HIC2: variants seen among roughly 807,000 people sequenced by gnomAD.
HIC2 encodes the protein HIC ZBTB transcriptional repressor 2.
A neutral mutation model predicts 39.5 loss-of-function variants in HIC2; 2 were observed. The ratio of observed to expected loss-of-function variants is 0.05; its 90% CI spans 0.02 to 0.16. The LOEUF (loss-of-function observed/expected upper bound fraction) is 0.16. Ranked by LOEUF, HIC2 falls within the 10% of genes least tolerant of loss-of-function variation. HIC2 has a pLI of 1.00. For synonymous variants in HIC2, 399 were observed against 368.8 expected, an observed-to-expected ratio of 1.08 and a Z score of -0.94; for missense variants, 713 against 863.5, an observed-to-expected ratio of 0.83 and a Z score of 2.18.
intron 1 of HIC2, among the ~76,000 whole-genome samples, chr22:21,438,258 G>A (rs1291226443): frequency 6.6e-6 from 1 of 152,290 alleles, no homozygotes; most frequent in Non-Finnish European, 1.5e-5. Flanking sequence ...GTCTCCCAGA[G>A]TCATGGCCTC....
In HIC2 at chr22:21,446,886, C is replaced by A; in HGVS notation, c.*143C>A. On this transcript the variant is annotated 3_prime_UTR_variant, in exon 3 of 3. Coordinates refer to ENST00000407464, the MANE Select transcript of HIC2 (RefSeq NM_015094.3). Reference sequence around the variant, plus strand: ...CCCCTCTGGCCCCCACTGCCCACACCCAGAGCTTTAATGGACAGTCCGTAC... The same window carrying A: ...CCCCTCTGGCCCCCACTGCCCACACACAGAGCTTTAATGGACAGTCCGTAC... 1.7e-6 allele frequency: 2 copies of A among 1,161,526 alleles called. No homozygotes were observed. The highest frequency in any genetic ancestry group is 2.4e-6 in the Non-Finnish European group (2 of 847,840). 72.0% of individuals were successfully genotyped at this position (1,161,526 alleles called of 1,614,324 possible).
chr22:21,443,292 G>T (rs1301069519), intron 2 of HIC2, among the ~76,000 whole-genome samples: 1 of 152,236 alleles, frequency 6.6e-6, no homozygotes, highest in Non-Finnish European at 1.5e-5. Context: ...TAGGCTCTGA[G>T]TGCCAGCGGT....
intron 2 of HIC2, among the ~76,000 whole-genome samples, chr22:21,443,428 G>A (rs929843939): frequency 6.6e-6 from 1 of 152,176 alleles, no homozygotes; most frequent in African/African-American, 2.4e-5. Context: ...GAGAGTTTCT[G>A]TCATGAGAAG....
intron 1 of HIC2, among the ~76,000 whole-genome samples, chr22:21,421,607 C>T (rs1923074885): frequency 1.1e-5 from 1 of 89,174 alleles, no homozygotes; most frequent in Non-Finnish European, 3.3e-5. Context: ...AACAGGGGGA[C>T]TTGGGGGTCC....
chr22:21,436,714 C>CA (rs1477428024), intron 1 of HIC2, among the ~76,000 whole-genome samples: 1 of 105,138 alleles, frequency 9.5e-6, no homozygotes, highest in African/African-American at 3.7e-5. Context: ...TTGCCCAGAG[C>CA]AGTGAGCCCC....
Position 21,445,489 on chromosome 22 carries a change from C to A in HIC2, c.594C>A (p.Asp198Glu). 1 of 1,581,934 alleles carries A rather than the reference C, an allele frequency of 6.3e-7. No homozygotes were observed. Residue 198 changes from aspartate to glutamate, a missense_variant, in exon 3 of 3, where the codon GAC becomes GAA. Physicochemically the swap from Asp to Glu is conservative, Grantham distance 45 (BLOSUM62 2). Transcript: ENST00000407464. The stretch of plus-strand genomic sequence containing the variant: ...AGCTCCCCCAAGCCAAAGGCTCAGA[C>A]GATGAACTCTTTCTTGGTGGCTCTA... The part of the protein sequence containing the change: ...PQELPQAKGS[D>E]DELFLGGSNQ...
Position 21,447,064 on chromosome 22 carries a change from T to C in HIC2, c.*321T>C. 2 of 335,642 alleles carry C rather than the reference T, an allele frequency of 6.0e-6. No homozygotes were observed. Among genetic ancestry groups the C allele is most frequent in the South Asian group, 5.2e-5 (1 of 19,206 alleles). The allele number at this position is 335,642 out of a possible 1,614,324, so 20.8% of individuals were successfully genotyped here. On this transcript the variant is annotated 3_prime_UTR_variant, in exon 3 of 3. Coordinates refer to ENST00000407464, the MANE Select transcript of HIC2 (RefSeq NM_015094.3). Reference sequence around the variant, plus strand: ...ACCTGGTCCCTTTGTTGCAGGCGGCTTGGAGAAAGGGCAGTGGGACGCTGG... The same window carrying C: ...ACCTGGTCCCTTTGTTGCAGGCGGCCTGGAGAAAGGGCAGTGGGACGCTGG...
At chr22:21,443,974 C>T (rs1388230376) in intron 2 of HIC2, among the ~76,000 whole-genome samples, 1 of 152,242 alleles carries the variant, frequency 6.6e-6, no homozygotes, top group East Asian at 1.9e-4. Flanking sequence ...TGTACTCCCA[C>T]TGTGGGGTGC....
chr22:21,446,347 C>T lies in HIC2; in HGVS notation c.1452C>T (p.Ala484=), dbSNP rs759072083. The T allele has an allele frequency of 3.7e-6, 6 of 1,612,864 alleles. No homozygotes were observed. The highest frequency in any genetic ancestry group is 1.7e-5 in the Admixed American group (1 of 60,018). The change falls in exon 3 of 3, where the codon GCC becomes GCT. Residue 484 remains alanine (A), a synonymous_variant. Transcript: ENST00000407464. ...CCTACGAGACAGGCAGTGGGGGTGCCGAGGAGGAGGCCGAGGACCTGTCAG... is the reference window on the plus strand; with the variant it reads ...CCTACGAGACAGGCAGTGGGGGTGCTGAGGAGGAGGCCGAGGACCTGTCAG... The part of the protein sequence containing the change: ...EGAYETGSGG[A]EEEAEDLSAP...
chr22:21,431,970 CCAAA>C (rs1923326662), intron 1 of HIC2, among the ~76,000 whole-genome samples: 1 of 138,424 alleles, frequency 7.2e-6, no homozygotes, highest in South Asian at 2.7e-4. Flanking sequence ...GACCCTGTCT[CCAAA>C]CAATCACAAA....
intron 2 of HIC2, among the ~76,000 whole-genome samples, chr22:21,444,092 C>T (rs990478776): frequency 3.3e-5 from 5 of 152,352 alleles, no homozygotes; most frequent in African/African-American, 7.2e-5. Flanking sequence ...ACACCTGGGC[C>T]GTCAGAGTTC....
At position 21,449,861 on chromosome 22, in the gene HIC2, C is replaced by T. The variant is rs970481498; in HGVS notation, c.*3118C>T. 6.5e-6 allele frequency: 1 copy of T among 152,904 alleles called. No individual in the cohort carries two copies. The allele number at this position is 152,904 out of a possible 1,614,324, so 9.5% of individuals were successfully genotyped here. On this transcript the variant is annotated 3_prime_UTR_variant, in exon 3 of 3. Coordinates refer to ENST00000407464, the MANE Select transcript of HIC2 (RefSeq NM_015094.3). The stretch of plus-strand genomic sequence containing the variant: ...CGGGGATGGCCGTCAGTTCTGGCCA[C>T]AGGACCCGAGTCTGGGCTTGGGTCC...
chr22:21,430,820 G>A (rs1172086433), intron 1 of HIC2, among the ~76,000 whole-genome samples: 2 of 70,198 alleles, frequency 2.8e-5, no homozygotes, highest in Non-Finnish European at 5.0e-5. Context: ...GCAGTGAGCC[G>A]AGATTGTGTC....
rs1365791499 is a variant in HIC2 at position 21,446,082 on chromosome 22, A to G, written c.1187A>G (p.Lys396Arg). 5 of 1,605,080 alleles carry G rather than the reference A, an allele frequency of 3.1e-6. No homozygotes were observed. The Admixed American group carries it at 6.7e-5, about 22-fold the overall frequency. The change falls in exon 3 of 3, where the codon AAG becomes AGG. Residue 396 changes from lysine to arginine, a missense_variant. Lys to Arg is a conservative substitution (Grantham distance 26, BLOSUM62 2). Around this residue, in one of 5 missense-constraint regions of HIC2, gnomAD observed 457 missense variants for 420.2 expected, o/e 1.09. Coordinates refer to ENST00000407464, the MANE Select transcript of HIC2 (RefSeq NM_015094.3). ...TATGGGGAGCCCCCCTACCCCTGCA[A>G]GGAGGAGGAGGAGAACGGCAAGGAT... ...GPYGEPPYPC[K>R]EEEENGKDAS...
rs753924289 is a variant in HIC2, at chr22:21,445,690, C to T, written c.795C>T (p.Leu265=). 3 of 1,611,918 alleles carry T rather than the reference C, an allele frequency of 1.9e-6. No individual in the cohort carries two copies. The highest frequency in any genetic ancestry group is 2.2e-5 in the South Asian group (2 of 90,950). Residue 265 remains leucine, a synonymous_variant, in exon 3 of 3, where the codon CTC becomes CTT. Coordinates refer to ENST00000407464, the MANE Select transcript of HIC2 (RefSeq NM_015094.3). ...CCCCTGCCACCCCAGGTCCCCACCT[C>T]ACTCCCGATGACGCAGCCCAGCTGA... ...PLPPATPGPH[L]TPDDAAQLSD...
Position 21,445,998 on chromosome 22 carries a change from G to T in HIC2, c.1103G>T (p.Gly368Val). The T allele has an allele frequency of 6.4e-7, 1 of 1,568,722 alleles. No individual in the cohort carries two copies. The highest frequency in any genetic ancestry group is 1.4e-5 in the African/African-American group (1 of 73,806). ...KGPCPGEEGE[G>V]VGDRVPNGIL... ...CCCTGCCCGGGAGAGGAGGGTGAGG[G>T]GGTCGGGGACAGGGTTCCCAATGGC... Residue 368 changes from glycine (G) to valine (V), a missense_variant, in exon 3 of 3, where the codon GGG (glycine) becomes GTG (valine). Gly to Val is a moderately radical substitution (Grantham distance 109). Around this residue, in one of 5 missense-constraint regions of HIC2, gnomAD observed 457 missense variants for 420.2 expected, o/e 1.09. Coordinates refer to ENST00000407464, the MANE Select transcript of HIC2 (RefSeq NM_015094.3).
chr22:21,417,515 G>GGGCC lies in HIC2; in HGVS notation c.-107_-104dup, dbSNP rs992011753. The GGGCC allele has an allele frequency of 4.2e-4, 62 of 146,382 alleles. No homozygotes were observed. The highest frequency in any genetic ancestry group is 1.4e-3 in the African/African-American group (58 of 40,700). 9.1% of individuals were successfully genotyped at this position (146,382 alleles called of 1,614,324 possible). On this transcript the variant is annotated 5_prime_UTR_variant, in exon 1 of 3. Transcript: ENST00000407464. ...GCGCTGAGGACAAGGGCCGCTGGTA[G>GGGCC]GGCCGGCCGGCCGGCGGGCGGAGCG...
Position 21,449,725 on chromosome 22 carries a change from CA to C in HIC2, c.*2983del. The stretch of plus-strand genomic sequence containing the variant: ...CTGGAGTCACCTGAGCCCTCGTCCC[CA>C]TTCCCAGGGCCCCTCCAAGCCCAGC... On this transcript the variant is annotated 3_prime_UTR_variant, in exon 3 of 3. Transcript: ENST00000407464. The C allele has an allele frequency of 6.5e-6, 1 of 152,874 alleles. No homozygotes were observed. Among genetic ancestry groups the C allele is most frequent in the Non-Finnish European group, 1.5e-5 (1 of 68,102 alleles). 9.5% of individuals were successfully genotyped at this position (152,874 alleles called of 1,614,324 possible).
rs141389242 is a variant in HIC2, at chr22:21,451,220, G to A, written c.*4477G>A. ...TTTTGTTTTATGCCCTTCCCAGAAG[G>A]GGGGAGGGACACCGGGATCGCACTC... On this transcript the variant is annotated 3_prime_UTR_variant, in exon 3 of 3. Coordinates refer to ENST00000407464, the MANE Select transcript of HIC2 (RefSeq NM_015094.3). The A allele has an allele frequency of 9.8e-5, 15 of 152,740 alleles. No homozygotes were observed. The highest frequency in any genetic ancestry group is 7.9e-4 in the Admixed American group (12 of 15,284). 9.5% of individuals were successfully genotyped at this position (152,740 alleles called of 1,614,324 possible).
Sources: allele counts gnomAD v4.1 joint callset (sites outside exome capture counted in the v4.1 genomes callset), GRCh38; gene constraint gnomAD v4.1.1; regional missense constraint gnomAD v4.1.1; transcripts MANE v1.5; gene names NCBI Gene and HGNC (gene_info 2026-07-23, HGNC 2026-07-21).